IFRD1: variants seen among roughly 807,000 people sequenced by gnomAD.
The protein encoded by IFRD1 is interferon related developmental regulator 1.
A neutral mutation model predicts 52.9 loss-of-function variants in IFRD1; 35 were observed. The ratio of observed to expected loss-of-function variants is 0.66; its 90% CI spans 0.51 to 0.88. The LOEUF (loss-of-function observed/expected upper bound fraction) is 0.88, where lower values mean the gene tolerates loss of function less well. Ranked by LOEUF, IFRD1 falls within the 40% of genes least tolerant of loss-of-function variation. The pLI is 0.00. For synonymous variants in IFRD1, 184 were observed against 188.4 expected (o/e 0.98, Z 0.19); for missense variants, 517 against 550.8 (o/e 0.94, Z 0.61).
At chr7:112,467,948 A>G in intron 8 of IFRD1, 33 bp from the exon 9 acceptor site, 3 of 1,605,364 alleles carry the variant, frequency 1.9e-6, no homozygotes, top group Non-Finnish European at 2.6e-6. Context: ...GAAAAATAAT[A>G]ATAAAGGAAA....
intron 1 of IFRD1, among the ~76,000 whole-genome samples, chr7:112,425,952 C>G (rs1420996550): frequency 6.6e-6 from 1 of 152,232 alleles, no homozygotes; most frequent in African/African-American, 2.4e-5. Context: ...CCCATGAAAT[C>G]TGGCTTTTGC....
chr7:112,464,210 T>G (rs1228345662), intron 8 of IFRD1, among the ~76,000 whole-genome samples: 1 of 152,000 alleles, frequency 6.6e-6, no homozygotes, highest in Non-Finnish European at 1.5e-5. Flanking sequence ...CTAACTGACT[T>G]TCTGATGTTA....
chr7:112,472,315 G>C lies in IFRD1; in HGVS notation c.1138G>C (p.Val380Leu), dbSNP rs150958975. The stretch of plus-strand genomic sequence containing the variant: ...ACACACCTATGACACCTTTAAGGAG[G>C]TTCTTGGATCAGGGATGCAGTACCA... The part of the protein sequence containing the change: ...KKHTYDTFKE[V>L]LGSGMQYHLQ... Residue 380 changes from valine to leucine, a missense_variant, in exon 10 of 12, where the codon GTT becomes CTT. Physicochemically the swap from Val to Leu is conservative, Grantham distance 32. Transcript: ENST00000403825. 6.2e-7 allele frequency: 1 copy of C among 1,614,016 alleles called. No homozygotes were observed. Among genetic ancestry groups the C allele is most frequent in the Non-Finnish European group, 8.5e-7 (1 of 1,179,932 alleles).
intron 1 of IFRD1, among the ~76,000 whole-genome samples, chr7:112,439,990 A>G (rs568401085): frequency 1.4e-4 from 21 of 145,810 alleles, no homozygotes; most frequent in African/African-American, 5.2e-4. Context: ...TTCAAAAGCC[A>G]TTTTTTTTTT....
chr7:112,462,378 T>A lies in IFRD1; in HGVS notation c.906T>A (p.Ser302Arg). ...TTGAATTGGCCAGAGGAATAGAGAG[T>A]GTAAGTATCTAACTGGCAGAGGAAA... ...LLFELARGIESDFFYEDMESL... is the reference protein window; with the variant it reads ...LLFELARGIERDFFYEDMESL... Residue 302 changes from serine to arginine, a missense_variant and splice_region_variant, in exon 8 of 12, where the codon AGT becomes AGA. Ser to Arg is a moderately radical substitution (Grantham distance 110, BLOSUM62 -1). Transcript: ENST00000403825. The A allele has an allele frequency of 6.3e-7, 1 of 1,587,410 alleles. No homozygotes were observed. Among genetic ancestry groups the A allele is most frequent in the African/African-American group, 1.3e-5 (1 of 74,370 alleles).
At chr7:112,433,240 A>C (rs569709171) in intron 1 of IFRD1, among the ~76,000 whole-genome samples, 1 of 152,188 alleles carries the variant, frequency 6.6e-6, no homozygotes, top group South Asian at 2.1e-4. Context: ...CTCCCCAAAA[A>C]CTCAGGGATC....
chr7:112,473,696 A>G (rs1020210152), intron 11 of IFRD1, among the ~76,000 whole-genome samples: 1 of 152,176 alleles, frequency 6.6e-6, no homozygotes, highest in Non-Finnish European at 1.5e-5. Context: ...AAGTGCTGGG[A>G]TTACAGGCAT....
chr7:112,432,254 A>T (rs1318392046), intron 1 of IFRD1, among the ~76,000 whole-genome samples: 1 of 152,188 alleles, frequency 6.6e-6, no homozygotes, highest in African/African-American at 2.4e-5. Flanking sequence ...TTCTCACTAT[A>T]GTGTGGTAAG....
rs1428334709 is a variant in IFRD1 at position 112,456,102 on chromosome 7, A to G, written c.284+16A>G. The G allele has an allele frequency of 7.1e-7, 1 of 1,407,666 alleles. No individual in the cohort carries two copies. Among genetic ancestry groups the G allele is most frequent in the Non-Finnish European group, 1.0e-6 (1 of 991,722 alleles). The allele number at this position is 1,407,666 out of a possible 1,614,324, so 87.2% of individuals were successfully genotyped here. ...TGGATAAGAGGTAGGCAATACTGGA[A>G]ACTCCATTCTGTGTGAGTCTATGCT... On this transcript the variant is annotated intron_variant, in intron 3 of 11. Coordinates refer to ENST00000403825, the MANE Select transcript of IFRD1 (RefSeq NM_001550.4).
At chr7:112,438,672 C>T (rs1348506664) in intron 1 of IFRD1, among the ~76,000 whole-genome samples, 2 of 152,120 alleles carry the variant, frequency 1.3e-5, no homozygotes, top group African/African-American at 4.8e-5. Flanking sequence ...ATACCTCCTT[C>T]GCCAAAAAAG....
intron 9 of IFRD1, among the ~76,000 whole-genome samples, chr7:112,471,212 T>A (rs1795737016): frequency 6.6e-6 from 1 of 152,142 alleles, no homozygotes; most frequent in Non-Finnish European, 1.5e-5. Flanking sequence ...GCATGTCCTC[T>A]TTTACACCTC....
At chr7:112,471,108 A>T (rs143587801) in intron 9 of IFRD1, among the ~76,000 whole-genome samples, 1 of 152,342 alleles carries the variant, frequency 6.6e-6, no homozygotes, top group South Asian at 2.1e-4. Flanking sequence ...TTTCTGAATT[A>T]AAGAAGATTG....
chr7:112,469,919 C>A (rs923852090), intron 9 of IFRD1, among the ~76,000 whole-genome samples: 1 of 150,992 alleles, frequency 6.6e-6, no homozygotes, highest in Non-Finnish European at 1.5e-5. Context: ...AAAGGCCTGT[C>A]CTCAGGGCTT....
At chr7:112,470,493 G>A (rs995993431) in intron 9 of IFRD1, among the ~76,000 whole-genome samples, 2 of 152,210 alleles carry the variant, frequency 1.3e-5, no homozygotes, top group African/African-American at 4.8e-5. Context: ...CCTTGGCTGT[G>A]ATGGGAAGGG....
At chr7:112,457,328 A>G in intron 4 of IFRD1, 1 of 532,148 alleles carries the variant, frequency 1.9e-6, no homozygotes, top group Non-Finnish European at 3.3e-6. Context: ...ATACCAGAAA[A>G]GCTTGAAAGT....
chr7:112,430,848 G>C (rs1466932348), intron 1 of IFRD1, among the ~76,000 whole-genome samples: 1 of 152,158 alleles, frequency 6.6e-6, no homozygotes, highest in African/African-American at 2.4e-5. Context: ...ACAGCCTGGG[G>C]CCTGATGTAG....
chr7:112,430,792 C>T (rs1267680127), intron 1 of IFRD1, among the ~76,000 whole-genome samples: 1 of 152,166 alleles, frequency 6.6e-6, no homozygotes, highest in African/African-American at 2.4e-5. Context: ...AGAAGGATCA[C>T]CTACTGCAGT....
intron 5 of IFRD1, 57 bp from the exon 6 acceptor site, chr7:112,461,809 T>A: frequency 1.1e-6 from 1 of 929,830 alleles, no homozygotes; most frequent in African/African-American, 1.7e-5. Flanking sequence ...CAGGAAGATG[T>A]AGAATTAATA....
intron 1 of IFRD1, among the ~76,000 whole-genome samples, chr7:112,430,824 C>G (rs1794531066): frequency 6.6e-6 from 1 of 152,164 alleles, no homozygotes; most frequent in Non-Finnish European, 1.5e-5. Flanking sequence ...CCAGAAGTGG[C>G]CTGGGGTACT....
Sources: allele counts gnomAD v4.1 joint callset (sites outside exome capture counted in the v4.1 genomes callset), GRCh38; gene constraint gnomAD v4.1.1; transcripts MANE v1.5; gene names NCBI Gene and HGNC (gene_info 2026-07-23, HGNC 2026-07-21).